SLC4A4: variants seen among roughly 807,000 people sequenced by gnomAD.
SLC4A4 encodes solute carrier family 4 member 4.
SLC4A4 carries 27 observed loss-of-function variants against 111.5 expected under a neutral mutation model. The ratio of observed to expected loss-of-function variants is 0.24; its 90% CI spans 0.18 to 0.33. The LOEUF (loss-of-function observed/expected upper bound fraction) is 0.33. SLC4A4 is among the 10% of genes least tolerant of loss of function. The pLI, the probability that SLC4A4 is intolerant of heterozygous loss-of-function variation, is 1.00. For missense variants in SLC4A4, 909 were observed against 1,315.5 expected (o/e 0.69, Z 4.78); for synonymous variants, 443 against 463.4 (o/e 0.96, Z 0.57).
intron 1 of SLC4A4, among the ~76,000 whole-genome samples, chr4:71,209,962 G>A (rs185147765): frequency 6.6e-6 from 1 of 152,202 alleles, no homozygotes; most frequent in Non-Finnish European, 1.5e-5. Flanking sequence ...AAGTCTCTGA[G>A]AATTGAACAT....
chr4:71,094,639 G>A (rs1742489511), intron 2 of SLC4A4, among the ~76,000 whole-genome samples: 1 of 152,176 alleles, frequency 6.6e-6, no homozygotes, highest in Admixed American at 6.5e-5. Context: ...ATCCCAATAT[G>A]TTAACAGGAA....
At chr4:71,085,463 G>C (rs1742133774) in intron 1 of SLC4A4, among the ~76,000 whole-genome samples, 1 of 152,010 alleles carries the variant, frequency 6.6e-6, no homozygotes, top group African/African-American at 2.4e-5. Context: ...TGGTGTTTTA[G>C]TCATGAAGTC....
intron 12 of SLC4A4, among the ~76,000 whole-genome samples, chr4:71,466,028 C>T (rs1727277495): frequency 1.3e-5 from 2 of 152,088 alleles, no homozygotes; most frequent in African/African-American, 4.8e-5. Flanking sequence ...TAAGTGCCTA[C>T]TATGTGCAAG....
intron 7 of SLC4A4, among the ~76,000 whole-genome samples, chr4:71,408,329 C>T (rs1004112599): frequency 2.6e-5 from 4 of 152,162 alleles, no homozygotes; most frequent in African/African-American, 9.7e-5. Context: ...TCAGTCTGAA[C>T]TGCTTTTTCT....
chr4:71,254,685 C>A (rs1721311586), intron 2 of SLC4A4, among the ~76,000 whole-genome samples: 2 of 151,858 alleles, frequency 1.3e-5, no homozygotes, highest in Admixed American at 1.3e-4. Flanking sequence ...TAAAGCCTTA[C>A]CCCCAGCAAA....
intron 1 of SLC4A4, chr4:71,233,365 T>A: frequency 1.1e-6 from 1 of 947,698 alleles, no homozygotes; most frequent in East Asian, 1.2e-4. Flanking sequence ...ATGACCAAAG[T>A]GCTTTTTACA....
chr4:71,298,553 G>A (rs939979312), intron 3 of SLC4A4, among the ~76,000 whole-genome samples: 5 of 152,200 alleles, frequency 3.3e-5, no homozygotes, highest in Non-Finnish European at 5.9e-5. Flanking sequence ...GGTCAAATGT[G>A]TATTCCACAC....
chr4:71,079,775 C>CAA (rs34285798), intron 1 of SLC4A4, among the ~76,000 whole-genome samples: 76,265 of 142,188 alleles, frequency 0.54, 23,540 homozygotes, highest in East Asian at 0.74. Context: ...AACTCTGTCT[C>CAA]AAAAAAAAAA....
At chr4:71,386,082 T>C (rs1718692237) in intron 6 of SLC4A4, among the ~76,000 whole-genome samples, 1 of 152,030 alleles carries the variant, frequency 6.6e-6, no homozygotes, top group African/African-American at 2.4e-5. Flanking sequence ...TGGAAGCATA[T>C]AGAATTCTTT....
At chr4:71,238,865 A>G (rs1264644567) in intron 2 of SLC4A4, among the ~76,000 whole-genome samples, 1 of 152,174 alleles carries the variant, frequency 6.6e-6, no homozygotes, top group African/African-American at 2.4e-5. Flanking sequence ...GTGATAGTAT[A>G]AAACGGTTGA....
chr4:71,386,455 T>C (rs979645012), intron 6 of SLC4A4, among the ~76,000 whole-genome samples: 3 of 152,146 alleles, frequency 2.0e-5, no homozygotes, highest in Non-Finnish European at 4.4e-5. Flanking sequence ...GAACTCCTAA[T>C]AATCAGATAT....
At chr4:71,066,966 T>C (rs894838587) in intron 1 of SLC4A4, among the ~76,000 whole-genome samples, 1 of 152,180 alleles carries the variant, frequency 6.6e-6, no homozygotes, top group Non-Finnish European at 1.5e-5. Context: ...ACTTCGCTCT[T>C]TAGCCTCCTG....
chr4:71,102,840 G>C (rs1424353146), intron 2 of SLC4A4, among the ~76,000 whole-genome samples: 13 of 151,840 alleles, frequency 8.6e-5, no homozygotes, highest in Non-Finnish European at 1.9e-4. Context: ...AGACCATCGA[G>C]ACTAGGAAGA....
intron 16 of SLC4A4, among the ~76,000 whole-genome samples, chr4:71,520,955 T>TGA (rs1356425664): frequency 6.6e-6 from 1 of 152,058 alleles, no homozygotes; most frequent in Non-Finnish European, 1.5e-5. Context: ...CTCCTGGCCT[T>TGA]GAGTGATCCT....
At chr4:71,256,051 T>A (rs1721427052) in intron 3 of SLC4A4, among the ~76,000 whole-genome samples, 1 of 152,172 alleles carries the variant, frequency 6.6e-6, no homozygotes, top group Admixed American at 6.6e-5. Flanking sequence ...TTTAGATGTA[T>A]GTTTATGTTG....
intron 14 of SLC4A4, among the ~76,000 whole-genome samples, chr4:71,476,916 G>A (rs1043376835): frequency 1.3e-5 from 2 of 151,664 alleles, no homozygotes; most frequent in South Asian, 2.1e-4. Context: ...ATTAGTAGAC[G>A]AAATGGATGT....
At position 71,503,906 on chromosome 4, in the gene SLC4A4, C is replaced by T. The variant is rs28858196; in HGVS notation, c.2166+6214C>T. The stretch of plus-strand genomic sequence containing the variant: ...TCAGCTTTTGCTTGTCTGGAAAGAT[C>T]TTTATTATAGCTTTGCTGGATGTGG... On this transcript the variant is annotated intron_variant, in intron 16 of 25. Coordinates refer to ENST00000264485, the MANE Select transcript of SLC4A4 (RefSeq NM_001098484.3). Among the ~76,000 whole-genome samples, 1,033 of 152,180 alleles carry T rather than the reference C, an allele frequency of 6.8e-3. 12 individuals are homozygous for T. The highest frequency in any genetic ancestry group is 0.023 in the African/African-American group (967 of 41,522).
intron 21 of SLC4A4, among the ~76,000 whole-genome samples, chr4:71,555,872 A>T (rs1340260779): frequency 1.3e-5 from 2 of 151,936 alleles, no homozygotes; most frequent in East Asian, 3.9e-4. Flanking sequence ...CTGTCTCTTT[A>T]AAAAAACCAA....
chr4:71,139,451 CA>C lies in SLC4A4; in HGVS notation c.-2+46660del, dbSNP rs532156557. ...CACTAGAACCCTGGTGAGGTTCTAT[CA>C]GGCCAAACTCCAACTTTTAGAAGCC... On this transcript the variant is annotated intron_variant, in intron 2 of 26. Transcript: ENST00000649996. 1.1e-4 allele frequency among the ~76,000 whole-genome samples: 17 copies of C among 152,284 alleles called. No individual in the cohort carries two copies. The South Asian group carries it at 3.3e-3, about 30-fold the overall frequency.
Sources: allele counts gnomAD v4.1 joint callset (sites outside exome capture counted in the v4.1 genomes callset), GRCh38; gene constraint gnomAD v4.1.1; transcripts MANE v1.5; gene names NCBI Gene and HGNC (gene_info 2026-07-23, HGNC 2026-07-21).